TMEM131L: variants seen among roughly 807,000 people sequenced by gnomAD.
TMEM131L encodes the protein transmembrane 131 like.
TMEM131L carries 54 observed loss-of-function variants against 192.2 expected under a neutral mutation model. The observed-to-expected ratio is 0.28, with a 90% CI of 0.23 to 0.35. The LOEUF (loss-of-function observed/expected upper bound fraction) is 0.35, where lower values mean the gene tolerates loss of function less well. Among genes scored for constraint, TMEM131L ranks in the 10% least tolerant of loss-of-function variants. The probability of loss-of-function intolerance (pLI) is 1.00; values close to 1 mark genes in which losing one functional copy is unlikely to be tolerated. For synonymous variants in TMEM131L, 701 were observed against 704.9 expected, an observed-to-expected ratio of 0.99 and a Z score of 0.09; for missense variants, 1,888 against 1,972.9, an observed-to-expected ratio of 0.96 and a Z score of 0.82.
intron 3 of TMEM131L, among the ~76,000 whole-genome samples, chr4:153,482,654 C>T (rs904857122): frequency 6.6e-6 from 1 of 152,162 alleles, no homozygotes; most frequent in African/African-American, 2.4e-5. Flanking sequence ...TTCAATTGTG[C>T]TGTCATAGTG....
chr4:153,592,537 C>CT lies in TMEM131L; in HGVS notation c.1876dup (p.Ser626PhefsTer5). ...CGGTCTCCTTGCAGCTCCTGCCTCT[C>CT]TCCTTGTACCCTAAACCCGAAGCCC... On this transcript the variant is annotated frameshift_variant, in exon 18 of 35. Coordinates refer to ENST00000409959, the MANE Select transcript of TMEM131L (RefSeq NM_001131007.2). LOFTEE classifies it high-confidence loss of function. The CT allele has an allele frequency of 6.2e-7, 1 of 1,614,194 alleles. No homozygotes were observed. The highest frequency in any genetic ancestry group is 8.5e-7 in the Non-Finnish European group (1 of 1,180,012).
Position 153,518,391 on chromosome 4 carries a change from A to G in TMEM131L, c.240-31682A>G, listed in dbSNP as rs531351287. On this transcript the variant is annotated intron_variant, in intron 3 of 34. Coordinates refer to ENST00000409959, the MANE Select transcript of TMEM131L (RefSeq NM_001131007.2). ...AACACACGAGAGCAGGTCCAGAGAG[A>G]AAAAAGAATCAGAAGAGGCTGAACC... Among the ~76,000 whole-genome samples the G allele has an allele frequency of 7.9e-5, 12 of 152,346 alleles. No individual in the cohort carries two copies. In the East Asian group the frequency reaches 2.3e-3, roughly 29 times the overall value.
intron 32 of TMEM131L, 102 bp downstream of exon 32, chr4:153,632,940 G>C: frequency 7.2e-7 from 1 of 1,390,374 alleles, no homozygotes; most frequent in African/African-American, 1.4e-5. Context: ...ATGAAGGCTA[G>C]GCTTCTTCCT....
In TMEM131L at chr4:153,581,281, A is replaced by G. The variant is rs553164233; in HGVS notation, c.739-126A>G. ...AATAAAATAAAATAAAATAAAACAC[A>G]AAACAGCATATTCTGTTCTCACACA... On this transcript the variant is annotated intron_variant, in intron 8 of 34. Transcript: ENST00000409959. The G allele has an allele frequency of 7.1e-6, 5 of 702,694 alleles. No individual in the cohort carries two copies. The East Asian group carries it at 1.4e-4, about 20-fold the overall frequency. 43.5% of individuals were successfully genotyped at this position (702,694 alleles called of 1,614,324 possible).
chr4:153,502,357 G>A (rs1277873321), intron 3 of TMEM131L, among the ~76,000 whole-genome samples: 1 of 152,174 alleles, frequency 6.6e-6, no homozygotes, highest in African/African-American at 2.4e-5. Context: ...GTTTCAAAAT[G>A]TCTTCTTAAG....
intron 11 of TMEM131L, among the ~76,000 whole-genome samples, chr4:153,584,279 C>T (rs568217261): frequency 2.2e-4 from 33 of 152,228 alleles, no homozygotes; most frequent in Admixed American, 3.3e-4. Flanking sequence ...ACAGCTGCCT[C>T]CTCCAAGATA....
intron 3 of TMEM131L, among the ~76,000 whole-genome samples, chr4:153,485,334 T>A (rs1732253089): frequency 6.6e-6 from 1 of 152,296 alleles, no homozygotes; most frequent in African/African-American, 2.4e-5. Context: ...CTTACCCAGT[T>A]TGTTCAGGTA....
intron 31 of TMEM131L, among the ~76,000 whole-genome samples, chr4:153,629,917 G>T (rs1184466275): frequency 2.0e-5 from 3 of 152,152 alleles, no homozygotes; most frequent in Non-Finnish European, 4.4e-5. Context: ...AAAGGTCTGA[G>T]TCTTTCTTTG....
intron 33 of TMEM131L, 43 bp from the exon 34 acceptor site, chr4:153,635,389 A>G (rs1734497598): frequency 6.3e-7 from 1 of 1,597,296 alleles, no homozygotes; most frequent in East Asian, 2.2e-5. Context: ...TCAGTTCTCA[A>G]TGAAAATGTT....
chr4:153,633,637 G>A (rs1330544239), intron 32 of TMEM131L, among the ~76,000 whole-genome samples: 4 of 152,120 alleles, frequency 2.6e-5, no homozygotes. Context: ...CTATTAGGGA[G>A]TCTTAAGAAA....
intron 3 of TMEM131L, among the ~76,000 whole-genome samples, chr4:153,541,538 G>GC (rs1736777557): frequency 6.6e-6 from 1 of 152,192 alleles, no homozygotes; most frequent in Non-Finnish European, 1.5e-5. Context: ...ATGGTGAACT[G>GC]CATCTTTTAT....
chr4:153,539,890 C>T (rs1013869527), intron 3 of TMEM131L, among the ~76,000 whole-genome samples: 1 of 151,712 alleles, frequency 6.6e-6, no homozygotes, highest in African/African-American at 2.4e-5. Flanking sequence ...GCAGGCGGAT[C>T]CCCTGAGGTT....
At chr4:153,521,292 T>C (rs1322324009) in intron 3 of TMEM131L, among the ~76,000 whole-genome samples, 1 of 152,156 alleles carries the variant, frequency 6.6e-6, no homozygotes, top group African/African-American at 2.4e-5. Flanking sequence ...GGGGTGGTTA[T>C]TGCTCCAGGG....
At chr4:153,548,039 A>G (rs1414855062) in intron 3 of TMEM131L, among the ~76,000 whole-genome samples, 1 of 151,704 alleles carries the variant, frequency 6.6e-6, no homozygotes, top group Non-Finnish European at 1.5e-5. Context: ...TCTTCTTCTG[A>G]AATACTGAGC....
intron 7 of TMEM131L, among the ~76,000 whole-genome samples, chr4:153,559,003 G>A (rs1419850096): frequency 6.6e-6 from 1 of 152,142 alleles, no homozygotes; most frequent in African/African-American, 2.4e-5. Context: ...ATTGAGAAAA[G>A]CTCTTGAACC....
chr4:153,601,108 A>AG (rs34956268), intron 21 of TMEM131L, among the ~76,000 whole-genome samples: 1 of 69,244 alleles, frequency 1.4e-5, no homozygotes, highest in Non-Finnish European at 3.7e-5. Context: ...AGACTGTCTC[A>AG]AAAAAAAAAA....
At chr4:153,566,381 C>T (rs949155489) in intron 7 of TMEM131L, among the ~76,000 whole-genome samples, 2 of 152,172 alleles carry the variant, frequency 1.3e-5, no homozygotes, top group Non-Finnish European at 1.5e-5. Context: ...GTGATCCGCC[C>T]GCCTCAGCCT....
chr4:153,561,164 G>T (rs772150592), intron 7 of TMEM131L, among the ~76,000 whole-genome samples: 1 of 152,168 alleles, frequency 6.6e-6, no homozygotes, highest in African/African-American at 2.4e-5. Flanking sequence ...CATGTGCTCA[G>T]TGGCCATTTG....
chr4:153,635,550 T>C lies in TMEM131L; in HGVS notation c.4536T>C (p.His1512=), dbSNP rs1396499495. The change falls in exon 34 of 35, where the codon CAT becomes CAC. Residue 1512 remains histidine, a synonymous_variant. Transcript: ENST00000409959. ...CCAACATGCCTGCTGCCTGGGGACA[T>C]GCCAGTTTCATCAGCTCTCCGGTCA... is the stretch of plus-strand genomic sequence containing the variant. ...TPPNMPAAWG[H]ASFISSPPYL... 1.9e-6 allele frequency: 3 copies of C among 1,614,200 alleles called. No homozygotes were observed. The highest frequency in any genetic ancestry group is 2.2e-5 in the South Asian group (2 of 91,078).
Sources: gnomAD v4.1 joint callset for allele counts (sites outside exome capture counted in the v4.1 genomes callset) on GRCh38, gnomAD v4.1.1 for gene constraint, MANE v1.5 for transcripts, NCBI Gene and HGNC (gene_info 2026-07-23, HGNC 2026-07-21) for gene names.